Variants in MOB3B observed in about 807,000 individuals in gnomAD.
MOB3B encodes the protein MOB kinase activator 3B, also known as MOB kinase activator-like 2B.
In MOB3B, 7 loss-of-function variants were observed where a neutral mutation model predicts 18.7. The observed-to-expected ratio is 0.37, with a 90% CI of 0.21 to 0.70. The LOEUF (loss-of-function observed/expected upper bound fraction) is 0.70, where lower values mean the gene tolerates loss of function less well. MOB3B is among the 30% of genes least tolerant of loss of function. The pLI is 0.52. For missense variants in MOB3B, 253 were observed against 281.3 expected, an observed-to-expected ratio of 0.90 and a Z score of 0.72; for synonymous variants, 111 against 99.9, an observed-to-expected ratio of 1.11 and a Z score of -0.66.
intron 1 of MOB3B, among the ~76,000 whole-genome samples, chr9:27,513,916 G>C (rs1587270792): frequency 5.6e-3 from 2 of 356 alleles, no homozygotes; most frequent in South Asian, 0.33. Context: ...TGGATGGATG[G>C]ATGGATGGAT....
rs145799158 is a variant in MOB3B, at chr9:27,501,521, G to A, written c.-199+28034C>T. ...AAGGACAGAAAGCCAAACACTGCAT[G>A]TTCTCACTCATAGATGGGAACTGAA... On this transcript the variant is annotated intron_variant, in intron 1 of 3. Coordinates refer to ENST00000262244, the MANE Select transcript of MOB3B (RefSeq NM_024761.5). 3.9e-3 allele frequency among the ~76,000 whole-genome samples: 594 copies of A among 150,642 alleles called. 3 individuals carry two copies. The highest frequency in any genetic ancestry group is 0.014 in the African/African-American group (567 of 41,110).
intron 2 of MOB3B, 36 bp downstream of exon 2, chr9:27,455,097 G>C (rs12379154): frequency 0.47 from 754,738 of 1,609,238 alleles, 182,671 homozygotes; most frequent in East Asian, 0.61. Flanking sequence ...AGATTGTGCA[G>C]GTGACAAAAA....
At chr9:27,524,555 G>T in intron 1 of MOB3B, 3 of 1,614,066 alleles carry the variant, frequency 1.9e-6, no homozygotes, top group Non-Finnish European at 2.5e-6. Flanking sequence ...AAGAGTTTCT[G>T]CAATACACCC....
intron 2 of MOB3B, among the ~76,000 whole-genome samples, chr9:27,398,666 G>A (rs1267304651): frequency 2.0e-5 from 3 of 152,230 alleles, no homozygotes; most frequent in African/African-American, 7.2e-5. Flanking sequence ...CAGAGACTGG[G>A]TGAGTGTGGA....
intron 1 of MOB3B, among the ~76,000 whole-genome samples, chr9:27,478,985 T>C (rs1819605169): frequency 1.3e-5 from 2 of 152,104 alleles, no homozygotes; most frequent in Admixed American, 1.3e-4. Flanking sequence ...AGAGGCCAGA[T>C]GATAATGAAA....
chr9:27,523,977 T>C (rs975148878), intron 1 of MOB3B, among the ~76,000 whole-genome samples: 2 of 152,008 alleles, frequency 1.3e-5, no homozygotes, highest in African/African-American at 4.8e-5. Flanking sequence ...AGTGAGTGCA[T>C]GGACTCACAG....
intron 2 of MOB3B, among the ~76,000 whole-genome samples, chr9:27,372,411 T>C (rs1480686465): frequency 6.6e-6 from 1 of 152,176 alleles, no homozygotes; most frequent in Non-Finnish European, 1.5e-5. Flanking sequence ...ATTCCAAATA[T>C]GTAAATACTC....
chr9:27,338,388 T>G (rs188346522), intron 3 of MOB3B, among the ~76,000 whole-genome samples: 1 of 152,120 alleles, frequency 6.6e-6, no homozygotes, highest in East Asian at 1.9e-4. Flanking sequence ...GAAAGAGAGA[T>G]AGAGGATCCC....
chr9:27,380,754 A>T (rs933022113), intron 2 of MOB3B, among the ~76,000 whole-genome samples: 4 of 139,244 alleles, frequency 2.9e-5, no homozygotes, highest in Non-Finnish European at 6.0e-5. Context: ...AAGCTATTTC[A>T]GGATCCATCC....
Position 27,455,746 on chromosome 9 carries a change from T to C in MOB3B, c.-196A>G. 1 of 1,435,710 alleles carries C rather than the reference T, an allele frequency of 7.0e-7. No homozygotes were observed. The highest frequency in any genetic ancestry group is 9.1e-7 in the Non-Finnish European group (1 of 1,101,570). The allele number at this position is 1,435,710 out of a possible 1,614,324, so 88.9% of individuals were successfully genotyped here. On this transcript the variant is annotated splice_region_variant and 5_prime_UTR_variant, in exon 2 of 4. Transcript: ENST00000262244. ...GATTTCCAAGGGAACCTCATGTTCTTTCCTAAAGGTAGAAGAGAAAAGGGA... is the reference window on the plus strand; with the variant it reads ...GATTTCCAAGGGAACCTCATGTTCTCTCCTAAAGGTAGAAGAGAAAAGGGA...
intron 1 of MOB3B, among the ~76,000 whole-genome samples, chr9:27,468,851 C>T (rs1177372194): frequency 1.3e-5 from 2 of 152,206 alleles, no homozygotes; most frequent in Non-Finnish European, 2.9e-5. Context: ...AACAGAACTA[C>T]TTCATGCAAA....
chr9:27,438,362 A>C (rs937389596), intron 2 of MOB3B, among the ~76,000 whole-genome samples: 1 of 152,114 alleles, frequency 6.6e-6, no homozygotes, highest in Non-Finnish European at 1.5e-5. Context: ...TGAGATTGTG[A>C]CAGGCTTCAG....
intron 2 of MOB3B, among the ~76,000 whole-genome samples, chr9:27,444,452 T>A (rs920476044): frequency 2.0e-5 from 3 of 152,228 alleles, no homozygotes; most frequent in African/African-American, 7.2e-5. Flanking sequence ...CATAAAGATA[T>A]CTTCACAAGT....
chr9:27,353,166 C>G (rs1426009881), intron 3 of MOB3B, among the ~76,000 whole-genome samples: 1 of 152,122 alleles, frequency 6.6e-6, no homozygotes, highest in Admixed American at 6.5e-5. Context: ...GGGTCTTTTC[C>G]CTCAACGTGT....
chr9:27,452,541 A>G lies in MOB3B; in HGVS notation c.418+2592T>C, dbSNP rs1587225893. ...AAAGTACAGGTTCATAAAGAACTCA[A>G]ATAACTCAATTGAAAGAAAATACAT... On this transcript the variant is annotated intron_variant, in intron 2 of 3. Transcript: ENST00000262244. 2.6e-5 allele frequency among the ~76,000 whole-genome samples: 4 copies of G among 152,356 alleles called. No homozygotes were observed. In the South Asian group the frequency reaches 8.3e-4, roughly 32 times the overall value.
At chr9:27,489,239 A>G (rs2131485165) in intron 1 of MOB3B, among the ~76,000 whole-genome samples, 1 of 152,284 alleles carries the variant, frequency 6.6e-6, no homozygotes, top group Non-Finnish European at 1.5e-5. Context: ...CTTGTCATTT[A>G]AGCATTCTCA....
intron 1 of MOB3B, among the ~76,000 whole-genome samples, chr9:27,505,643 T>A (rs1261597744): frequency 6.6e-6 from 1 of 152,232 alleles, no homozygotes; most frequent in Non-Finnish European, 1.5e-5. Context: ...CTGCATGAAG[T>A]CCACAGACCT....
chr9:27,446,739 C>A (rs1046733973), intron 2 of MOB3B, among the ~76,000 whole-genome samples: 4 of 152,118 alleles, frequency 2.6e-5, no homozygotes, highest in African/African-American at 9.7e-5. Context: ...ATTTTATATT[C>A]TTAACAATTC....
intron 1 of MOB3B, among the ~76,000 whole-genome samples, chr9:27,476,415 T>A (rs761849867): frequency 5.3e-5 from 8 of 152,192 alleles, no homozygotes; most frequent in Non-Finnish European, 1.2e-4. Flanking sequence ...CACCTCAATC[T>A]CTACCTTCAT....
Sources: allele counts gnomAD v4.1 joint callset (sites outside exome capture counted in the v4.1 genomes callset), GRCh38; gene constraint gnomAD v4.1.1; transcripts MANE v1.5; gene names NCBI Gene and HGNC (gene_info 2026-07-23, HGNC 2026-07-21).